POFUT4: variants seen among roughly 807,000 people sequenced by gnomAD.
The protein encoded by POFUT4 is protein O-fucosyltransferase 4.
At chr10:73,777,056 C>G in the POFUT4 span, among the ~76,000 whole-genome samples, 1 of 152,106 alleles carries the variant, frequency 6.6e-6, no homozygotes, top group Non-Finnish European at 1.5e-5. Flanking sequence ...AATACAGAAA[C>G]CTTGCCATCA....
the POFUT4 span, chr10:73,772,347 C>T: frequency 1.4e-6 from 2 of 1,470,572 alleles, no homozygotes; most frequent in Non-Finnish European, 1.8e-6. Context: ...GCGGCCGGCC[C>T]CATTAGGGTG....
chr10:73,779,648 A>G, the POFUT4 span: 2 of 152,358 alleles, frequency 1.3e-5, no homozygotes, highest in East Asian at 3.9e-4. Flanking sequence ...CTAAGCTTGC[A>G]ATCTATCTAA....
At chr10:73,773,501 G>A in the POFUT4 span, 1 of 1,614,198 alleles carries the variant, frequency 6.2e-7, no homozygotes, top group Non-Finnish European at 8.5e-7. Context: ...TTGACTTTCT[G>A]GACAAGAATG....
chr10:73,772,313 G>C, the POFUT4 span: 1 of 1,419,158 alleles, frequency 7.0e-7, no homozygotes, highest in East Asian at 2.8e-5. Flanking sequence ...GGCCGAGGGG[G>C]CGCCGGCTGC....
chr10:73,773,554 G>C, the POFUT4 span: 1 of 1,614,252 alleles, frequency 6.2e-7, no homozygotes, highest in Non-Finnish European at 8.5e-7. Context: ...CAACCTGGGG[G>C]CATCACCAAC....
At chr10:73,776,441 C>T in the POFUT4 span, among the ~76,000 whole-genome samples, 3 of 151,590 alleles carry the variant, frequency 2.0e-5, no homozygotes, top group African/African-American at 7.3e-5. Context: ...CCTGTAATCC[C>T]AACACTTTGG....
chr10:73,779,528 A>G, the POFUT4 span: 4 of 150,572 alleles, frequency 2.7e-5, no homozygotes, highest in African/African-American at 9.8e-5. Context: ...ACGCCATTGC[A>G]CTCCAGCCTG....
chr10:73,778,083 C>T, the POFUT4 span, among the ~76,000 whole-genome samples: 1 of 150,458 alleles, frequency 6.6e-6, no homozygotes, highest in Admixed American at 6.6e-5. Flanking sequence ...AGGCTGGTCT[C>T]GGACTCCTGA....
At chr10:73,772,320 C>T in the POFUT4 span, 3 of 1,430,432 alleles carry the variant, frequency 2.1e-6, no homozygotes, top group Admixed American at 6.2e-5. Flanking sequence ...GGGGCGCCGG[C>T]TGCCGGAGTG....
At chr10:73,773,320 T>C in the POFUT4 span, 2 of 1,614,096 alleles carry the variant, frequency 1.2e-6, no homozygotes, top group Non-Finnish European at 1.7e-6. Context: ...CACTTGGCCC[T>C]GGAAAATGCC....
chr10:73,775,634 G>A, the POFUT4 span: 21 of 1,614,090 alleles, frequency 1.3e-5, no homozygotes, highest in Admixed American at 5.0e-5. Context: ...CAGAGCAGAC[G>A]AAATTTTGGG....
the POFUT4 span, chr10:73,775,498 T>A: frequency 6.2e-7 from 1 of 1,614,222 alleles, no homozygotes; most frequent in South Asian, 1.1e-5. Flanking sequence ...GACTCATAAC[T>A]ATGCTGCAGT....
At chr10:73,777,921 G>A in the POFUT4 span, among the ~76,000 whole-genome samples, 9 of 148,904 alleles carry the variant, frequency 6.0e-5, no homozygotes, top group Admixed American at 4.7e-4. Context: ...GTGCAGTGGC[G>A]TGATTTTGGC....
chr10:73,775,428 C>T, the POFUT4 span: 4 of 1,611,812 alleles, frequency 2.5e-6, no homozygotes, highest in Non-Finnish European at 3.4e-6. Flanking sequence ...GCAGTCTTGT[C>T]CAAGTTAGAG....
the POFUT4 span, chr10:73,773,633 C>T: frequency 6.2e-6 from 10 of 1,614,148 alleles, no homozygotes; most frequent in Non-Finnish European, 8.5e-7. Context: ...CTAACTACCT[C>T]AACGGCTTCG....
At chr10:73,773,113 C>T in the POFUT4 span, 6 of 372,014 alleles carry the variant, frequency 1.6e-5, no homozygotes, top group Non-Finnish European at 2.9e-5. Flanking sequence ...GTGTCCAGGA[C>T]TCCAGGTGTC....
the POFUT4 span, chr10:73,775,598 C>A: frequency 6.2e-7 from 1 of 1,614,228 alleles, no homozygotes; most frequent in South Asian, 1.1e-5. Flanking sequence ...GGGAAGCTCT[C>A]ACTGCCATGA....
At chr10:73,776,988 T>G in the POFUT4 span, among the ~76,000 whole-genome samples, 1 of 152,170 alleles carries the variant, frequency 6.6e-6, no homozygotes, top group Non-Finnish European at 1.5e-5. Flanking sequence ...CTCAAATACA[T>G]TTTTTTAATG....
At chr10:73,774,342 C>T in the POFUT4 span, 1 of 152,174 alleles carries the variant, frequency 6.6e-6, no homozygotes, top group Admixed American at 6.6e-5. Flanking sequence ...GGATGAGCCC[C>T]ATGTAGTTGG....
Sources: gnomAD v4.1 joint callset for allele counts (sites outside exome capture counted in the v4.1 genomes callset) on GRCh38, gnomAD v4.1.1 for gene constraint, MANE v1.5 for transcripts, NCBI Gene and HGNC (gene_info 2026-07-23, HGNC 2026-07-21) for gene names.